TENT2: variants seen among roughly 807,000 people sequenced by gnomAD.
TENT2 encodes poly(A) RNA polymerase GLD2.
Under a neutral mutation model 72.2 loss-of-function variants are expected in TENT2, and 44 were observed. The ratio of observed to expected loss-of-function variants is 0.61; its 90% CI spans 0.48 to 0.78. TENT2 has a LOEUF of 0.78. Among genes scored for constraint, TENT2 ranks in the 30% least tolerant of loss-of-function variants. The pLI is 0.00. For missense variants in TENT2, 541 were observed against 569.6 expected, an observed-to-expected ratio of 0.95 and a Z score of 0.51; for synonymous variants, 212 against 192.5, an observed-to-expected ratio of 1.10 and a Z score of -0.84.
In TENT2 at chr5:79,659,905, G is replaced by A. The variant is rs555383498; in HGVS notation, c.1071+2904G>A. On this transcript the variant is annotated intron_variant, in intron 11 of 14. Coordinates refer to ENST00000453514, the MANE Select transcript of TENT2 (RefSeq NM_001114394.3). ...ATATACCTTTAAGGGCAGCAGTTAC[G>A]GCAGAATTTCAGCTTGTATAAATAA... Among the ~76,000 whole-genome samples the A allele has an allele frequency of 5.3e-5, 8 of 151,588 alleles. No individual in the cohort carries two copies. The South Asian group carries it at 8.4e-4, about 16-fold the overall frequency.
intron 1 of TENT2, among the ~76,000 whole-genome samples, chr5:79,619,344 A>T (rs1470613766): frequency 1.3e-5 from 2 of 152,216 alleles, no homozygotes; most frequent in Non-Finnish European, 1.5e-5. Context: ...AGATTTGTTG[A>T]TACGAGGGTA....
At position 79,649,203 on chromosome 5, in the gene TENT2, G is replaced by A. The variant is rs199554842; in HGVS notation, c.1027+13G>A. On this transcript the variant is annotated intron_variant, in intron 10 of 14. Coordinates refer to ENST00000453514, the MANE Select transcript of TENT2 (RefSeq NM_001114394.3). ...CACTATTTACAAAGTAAGTATAATG[G>A]GGTTTTACCCAATTTTTAAAAGTAA... The A allele has an allele frequency of 1.2e-6, 2 of 1,607,004 alleles. No homozygotes were observed. The highest frequency in any genetic ancestry group is 1.7e-5 in the Admixed American group (1 of 59,552).
intron 10 of TENT2, among the ~76,000 whole-genome samples, chr5:79,654,214 T>C (rs1229341761): frequency 6.6e-6 from 1 of 152,096 alleles, no homozygotes; most frequent in African/African-American, 2.4e-5. Flanking sequence ...GGTGGATCAC[T>C]TGAGGTCAGG....
chr5:79,659,568 A>G (rs866579561), intron 11 of TENT2, among the ~76,000 whole-genome samples: 7,621 of 107,878 alleles, frequency 0.071, 1,114 homozygotes, highest in African/African-American at 0.18. Context: ...ATATATATAT[A>G]TATATATATA....
chr5:79,680,096 C>T (rs1203346918), intron 13 of TENT2, among the ~76,000 whole-genome samples: 1 of 152,096 alleles, frequency 6.6e-6, no homozygotes, highest in African/African-American at 2.4e-5. Flanking sequence ...AAATTTTCTT[C>T]TCTAAAATTA....
chr5:79,646,095 CTAAT>C (rs1180982858), intron 8 of TENT2, among the ~76,000 whole-genome samples: 1 of 152,118 alleles, frequency 6.6e-6, no homozygotes, highest in Admixed American at 6.6e-5. Context: ...TTCTCACAGT[CTAAT>C]TAATGCCATA....
In TENT2 at chr5:79,619,770, A is replaced by G. The variant is rs140760239; in HGVS notation, c.122A>G (p.Asn41Ser). 45 of 1,612,970 alleles carry G rather than the reference A, an allele frequency of 2.8e-5. 1 individual carries two copies. The East Asian group carries it at 9.4e-4, about 34-fold the overall frequency. Reference protein sequence around the residue: ...SHQQLIDAQFNFQNADLSRAV... With the variant: ...SHQQLIDAQFSFQNADLSRAV... Reference sequence around the variant, plus strand: ...CAGCAGCTTATAGATGCACAATTCAACTTTCAGAATGCAGAGTGAGTATGG... The same window carrying G: ...CAGCAGCTTATAGATGCACAATTCAGCTTTCAGAATGCAGAGTGAGTATGG... Residue 41 changes from asparagine to serine, a missense_variant, in exon 2 of 15, where the codon AAC becomes AGC. Coordinates refer to ENST00000453514, the MANE Select transcript of TENT2 (RefSeq NM_001114394.3).
At chr5:79,630,507 G>T (rs1307065147) in intron 4 of TENT2, among the ~76,000 whole-genome samples, 1 of 152,162 alleles carries the variant, frequency 6.6e-6, no homozygotes, top group Non-Finnish European at 1.5e-5. Flanking sequence ...AACCCAGGAG[G>T]TGGAGGTTGC....
At chr5:79,665,173 A>G (rs959451628) in intron 11 of TENT2, among the ~76,000 whole-genome samples, 1 of 152,182 alleles carries the variant, frequency 6.6e-6, no homozygotes, top group Non-Finnish European at 1.5e-5. Flanking sequence ...AGTATTCCCT[A>G]TCAGTTTTTC....
chr5:79,629,899 C>T (rs551687162), intron 4 of TENT2, among the ~76,000 whole-genome samples: 2 of 151,504 alleles, frequency 1.3e-5, no homozygotes, highest in African/African-American at 4.9e-5. Flanking sequence ...TTTGGGAGGC[C>T]GAGGCGGGTG....
intron 10 of TENT2, among the ~76,000 whole-genome samples, chr5:79,655,602 T>G (rs1409315429): frequency 6.6e-6 from 1 of 152,054 alleles, no homozygotes; most frequent in Non-Finnish European, 1.5e-5. Context: ...CTTATACAAA[T>G]AGAGAGACAT....
At chr5:79,638,883 T>G (rs556792239) in intron 4 of TENT2, among the ~76,000 whole-genome samples, 3 of 152,206 alleles carry the variant, frequency 2.0e-5, no homozygotes, top group Non-Finnish European at 4.4e-5. Flanking sequence ...ATGTTATGCT[T>G]CTTTCATTGC....
intron 4 of TENT2, among the ~76,000 whole-genome samples, chr5:79,635,754 C>T (rs866608447): frequency 2.6e-5 from 4 of 152,264 alleles, no homozygotes; most frequent in South Asian, 4.1e-4. Context: ...AGGGTTTAAC[C>T]GTTGTTGCTC....
chr5:79,682,650 C>A (rs760639506), intron 14 of TENT2, among the ~76,000 whole-genome samples: 1 of 152,094 alleles, frequency 6.6e-6, no homozygotes, highest in African/African-American at 2.4e-5. Flanking sequence ...CTAATGGACT[C>A]TTTTCCTTCC....
In TENT2 at chr5:79,682,067, C is replaced by T; in HGVS notation, c.1380+6C>T. 6.2e-7 allele frequency: 1 copy of T among 1,602,358 alleles called. No homozygotes were observed. The highest frequency in any genetic ancestry group is 8.5e-7 in the Non-Finnish European group (1 of 1,170,526). On this transcript the variant is annotated splice_donor_region_variant and intron_variant, in intron 14 of 14. Transcript: ENST00000453514. ...TCAAGGATCAATTTTTAAAGGTAAA[C>T]AATGCATTAGATCAACCCTAGAAAC...
At chr5:79,657,866 T>C (rs901442288) in intron 11 of TENT2, among the ~76,000 whole-genome samples, 10 of 152,228 alleles carry the variant, frequency 6.6e-5, no homozygotes, top group African/African-American at 1.7e-4. Context: ...ACTTACTAAA[T>C]GGTCATATTT....
At chr5:79,636,735 A>G (rs532767970) in intron 4 of TENT2, among the ~76,000 whole-genome samples, 2 of 152,114 alleles carry the variant, frequency 1.3e-5, no homozygotes, top group Non-Finnish European at 2.9e-5. Context: ...AATGTGGTGT[A>G]TCTCTCCCTT....
chr5:79,625,873 A>T (rs1396272471), intron 4 of TENT2, among the ~76,000 whole-genome samples: 1 of 151,580 alleles, frequency 6.6e-6, no homozygotes, highest in African/African-American at 2.4e-5. Context: ...TCTGCCGCCC[A>T]GGCTGGAGTG....
In TENT2 at chr5:79,618,628, C is replaced by T. The variant is rs537461518; in HGVS notation, c.-37-984C>T. Among the ~76,000 whole-genome samples, 15 of 151,768 alleles carry T rather than the reference C, an allele frequency of 9.9e-5. No individual in the cohort carries two copies. In the South Asian group the frequency reaches 2.1e-3, roughly 21 times the overall value. The stretch of plus-strand genomic sequence containing the variant: ...TTGAGTGTTCATTTGTTCCTGACAT[C>T]GTTTCTGTTTATTCCCAGGTTTTAT... On this transcript the variant is annotated intron_variant, in intron 1 of 14. Coordinates refer to ENST00000453514, the MANE Select transcript of TENT2 (RefSeq NM_001114394.3).
Sources: gnomAD v4.1 joint callset for allele counts (sites outside exome capture counted in the v4.1 genomes callset) on GRCh38, gnomAD v4.1.1 for gene constraint, MANE v1.5 for transcripts, NCBI Gene and HGNC (gene_info 2026-07-23, HGNC 2026-07-21) for gene names.